SLC26A11: variants seen among roughly 807,000 people sequenced by gnomAD.
The protein encoded by SLC26A11 is solute carrier family 26 member 11.
SLC26A11 carries 58 observed loss-of-function variants against 62.2 expected under a neutral mutation model. The ratio of observed to expected loss-of-function variants is 0.93; its 90% CI spans 0.76 to 1.16. The LOEUF (loss-of-function observed/expected upper bound fraction) is 1.16. Among genes scored for constraint, SLC26A11 ranks in the 50% most tolerant of loss-of-function variants. SLC26A11 has a pLI of 0.00. For synonymous variants in SLC26A11, 411 were observed against 368.9 expected (o/e 1.11, Z -1.31); for missense variants, 790 against 794.3 (o/e 0.99, Z 0.06).
chr17:80,248,076 A>T, intron 13 of SLC26A11, 54 bp from the exon 14 acceptor site: 1 of 1,541,046 alleles, frequency 6.5e-7, no homozygotes, highest in Non-Finnish European at 8.7e-7. Context: ...CAGCAGGGCC[A>T]TGTTGGGGCC....
chr17:80,247,916 C>G (rs1355500252), intron 13 of SLC26A11, among the ~76,000 whole-genome samples: 2 of 152,226 alleles, frequency 1.3e-5, no homozygotes, highest in African/African-American at 4.8e-5. Context: ...CAGGTCTCAC[C>G]TGCGCTCAGC....
chr17:80,235,407 A>C (rs2042667238), intron 7 of SLC26A11, among the ~76,000 whole-genome samples: 1 of 151,734 alleles, frequency 6.6e-6, no homozygotes, highest in Non-Finnish European at 1.5e-5. Context: ...CCCAGGCTAG[A>C]GTACAGTGGC....
chr17:80,230,193 C>CAAA (rs11338645), intron 7 of SLC26A11, among the ~76,000 whole-genome samples: 4 of 91,034 alleles, frequency 4.4e-5, no homozygotes, highest in Admixed American at 1.1e-4. Flanking sequence ...GACTCCTTCT[C>CAAA]AAAAAAAAAA....
At chr17:80,236,505 C>T (rs549669790) in intron 7 of SLC26A11, among the ~76,000 whole-genome samples, 10 of 152,358 alleles carry the variant, frequency 6.6e-5, no homozygotes, top group Non-Finnish European at 1.3e-4. Context: ...GCCGTCATGG[C>T]TGCTGTCCCG....
rs569016141 is a variant in SLC26A11, at chr17:80,245,221, C to G, written c.1062C>G (p.Leu354=). ...GTCTCACCAACATGTTGGGCTCCCT[C>G]GTCTCCTCCTACCCGGTCACAGGCA... ...AIGLTNMLGS[L]VSSYPVTGSF... The change falls in exon 11 of 18, where the codon CTC becomes CTG. Residue 354 remains leucine (L), a synonymous_variant. Transcript: ENST00000361193. 33 of 1,613,842 alleles carry G rather than the reference C, an allele frequency of 2.0e-5. No homozygotes were observed. Among genetic ancestry groups the G allele is most frequent in the Non-Finnish European group, 2.7e-5 (32 of 1,180,006 alleles).
intron 3 of SLC26A11, 76 bp downstream of exon 3, chr17:80,221,870 C>A: frequency 7.2e-7 from 1 of 1,392,808 alleles, no homozygotes; most frequent in Non-Finnish European, 9.6e-7. Context: ...CAGACACCAT[C>A]AGCGATTCCA....
chr17:80,240,380 T>G (rs62074438), intron 9 of SLC26A11, among the ~76,000 whole-genome samples: 1 of 149,704 alleles, frequency 6.7e-6, no homozygotes, highest in East Asian at 2.0e-4. Flanking sequence ...AAAAAAAGTT[T>G]GCCAACCTCT....
chr17:80,237,637 G>A (rs539140160), intron 9 of SLC26A11, 43 bp downstream of exon 9: 21 of 1,574,530 alleles, frequency 1.3e-5, no homozygotes, highest in East Asian at 6.8e-5. Context: ...CCAGTGCGCC[G>A]GCTGGGCTAG....
chr17:80,236,766 ATT>A (rs1346381254), intron 7 of SLC26A11, 160 bp from the exon 8 acceptor site: 2 of 748,252 alleles, frequency 2.7e-6, no homozygotes, highest in Non-Finnish European at 4.4e-6. Flanking sequence ...GCCACATAGC[ATT>A]TATGTCTGTG....
rs150803669 is a variant in SLC26A11, at chr17:80,231,749, A to G, written c.736+3789A>G. Among the ~76,000 whole-genome samples, 329 of 152,364 alleles carry G rather than the reference A, an allele frequency of 2.2e-3. 1 individual carries two copies. Among genetic ancestry groups the G allele is most frequent in the African/African-American group, 7.5e-3 (310 of 41,582 alleles). On this transcript the variant is annotated intron_variant, in intron 7 of 17. Coordinates refer to ENST00000361193, the MANE Select transcript of SLC26A11 (RefSeq NM_001166347.2). ...GTTTCCAAATAGTTGGGGGTTTCCC[A>G]ATTAGTACTTTGCCATTGATTTCTA...
intron 16 of SLC26A11, among the ~76,000 whole-genome samples, chr17:80,250,254 A>G (rs1360301108): frequency 2.0e-5 from 3 of 152,220 alleles, no homozygotes; most frequent in Non-Finnish European, 2.9e-5. Context: ...GCCATGGAAC[A>G]GGAGGCCAAG....
chr17:80,238,726 G>A (rs575392945), intron 9 of SLC26A11, among the ~76,000 whole-genome samples: 5 of 151,870 alleles, frequency 3.3e-5, no homozygotes, highest in Admixed American at 2.0e-4. Flanking sequence ...TGTGTAAATC[G>A]TGTTTACTGC....
At chr17:80,247,661 G>A (rs1294739726) in intron 13 of SLC26A11, among the ~76,000 whole-genome samples, 2 of 152,222 alleles carry the variant, frequency 1.3e-5, no homozygotes, top group African/African-American at 4.8e-5. Flanking sequence ...TTCATGTGCC[G>A]GCGTGGAATG....
chr17:80,240,530 C>T (rs1383953145), intron 9 of SLC26A11, among the ~76,000 whole-genome samples: 2 of 151,996 alleles, frequency 1.3e-5, no homozygotes, highest in African/African-American at 4.8e-5. Flanking sequence ...CGGCCGGGTG[C>T]AGTGGCTCAC....
intron 10 of SLC26A11, among the ~76,000 whole-genome samples, chr17:80,243,520 C>T (rs1009529775): frequency 2.0e-5 from 3 of 152,190 alleles, no homozygotes; most frequent in Non-Finnish European, 4.4e-5. Context: ...GCCTCAGCCT[C>T]CTGAGTAGCT....
In SLC26A11 at chr17:80,223,943, C is replaced by T. The variant is rs1191090653; in HGVS notation, c.513+606C>T. ...TGTCCTTCTCCCAGCCATGGCCGCC[C>T]AGCATTGGGCTGGTGCAGTAGGGGG... On this transcript the variant is annotated intron_variant, in intron 5 of 17. Coordinates refer to ENST00000361193, the MANE Select transcript of SLC26A11 (RefSeq NM_001166347.2). This position sits in a 1 kb window ranked among gnomAD's most constrained non-coding sequence, Gnocchi z 4.6. Among the ~76,000 whole-genome samples, 7 of 152,310 alleles carry T rather than the reference C, an allele frequency of 4.6e-5. No homozygotes were observed. The highest frequency in any genetic ancestry group is 8.8e-5 in the Non-Finnish European group (6 of 68,020).
intron 17 of SLC26A11, 63 bp downstream of exon 17, chr17:80,251,464 A>C: frequency 6.2e-7 from 1 of 1,601,636 alleles, no homozygotes; most frequent in Non-Finnish European, 8.5e-7. Context: ...TGCTTATTGT[A>C]AAAAATATGG....
At chr17:80,226,147 G>T (rs1345388565) in intron 6 of SLC26A11, among the ~76,000 whole-genome samples, 1 of 151,992 alleles carries the variant, frequency 6.6e-6, no homozygotes, top group Non-Finnish European at 1.5e-5. Flanking sequence ...GCGCGCAGGG[G>T]AGAGTTCAAG....
At position 80,252,918 on chromosome 17, in the gene SLC26A11, G is replaced by A. The variant is rs796731147; in HGVS notation, c.*202G>A. The A allele has an allele frequency of 3.7e-5, 20 of 534,004 alleles. 1 individual carries two copies. In the African/African-American group the frequency reaches 3.9e-4, roughly 10 times the overall value. 33.1% of individuals were successfully genotyped at this position (534,004 alleles called of 1,614,324 possible). A position where few individuals can be genotyped will look rare whatever the true frequency, so the allele number is the denominator to read the frequency against. ...CTCACTGGCTTCCTGTGGGATGACTGGAAAATGACCTCGCTGCTGTTCCCT... is the reference window on the plus strand; with the variant it reads ...CTCACTGGCTTCCTGTGGGATGACTAGAAAATGACCTCGCTGCTGTTCCCT... On this transcript the variant is annotated 3_prime_UTR_variant, in exon 18 of 18. Transcript: ENST00000361193. The surrounding 1 kb of genome is among the most constrained non-coding windows in gnomAD (Gnocchi z 5.2).
Sources: allele counts gnomAD v4.1 joint callset (sites outside exome capture counted in the v4.1 genomes callset), GRCh38; gene constraint gnomAD v4.1.1; non-coding constraint Gnocchi (gnomAD v3.1); transcripts MANE v1.5; gene names NCBI Gene and HGNC (gene_info 2026-07-23, HGNC 2026-07-21).